Variants in DNAI4 observed in about 807,000 individuals in gnomAD.
The protein encoded by DNAI4 is dynein axonemal intermediate chain 4.
A neutral mutation model predicts 105.8 loss-of-function variants in DNAI4; 85 were observed. The observed-to-expected ratio is 0.80, with a 90% confidence interval of 0.67 to 0.96. The LOEUF (loss-of-function observed/expected upper bound fraction) is 0.96, where lower values mean the gene tolerates loss of function less well. Among genes scored for constraint, DNAI4 ranks in the 40% least tolerant of loss-of-function variants. DNAI4 has a pLI of 0.00. For synonymous variants in DNAI4, 352 were observed against 331.5 expected (o/e 1.06, Z -0.67); for missense variants, 1,014 against 1,005.6 (o/e 1.01, Z -0.11).
intron 7 of DNAI4, among the ~76,000 whole-genome samples, chr1:66,856,887 G>A (rs1351897024): frequency 1.3e-5 from 2 of 151,696 alleles, no homozygotes; most frequent in Non-Finnish European, 2.9e-5. Flanking sequence ...AAAGAAGAAA[G>A]ATCTAAAATC....
rs146024242 is a variant in DNAI4 at position 66,913,408 on chromosome 1, T to C, written c.171-8033A>G. ...TCTTAATTCGGTTTGTCTGTGTGCA[T>C]TTGGATGAGGAACTGAACTGTTGTT... On this transcript the variant is annotated intron_variant, in intron 1 of 16. Transcript: ENST00000371026. Among the ~76,000 whole-genome samples the C allele has an allele frequency of 2.4e-3, 358 of 152,312 alleles. 3 individuals carry two copies. Among genetic ancestry groups the C allele is most frequent in the African/African-American group, 8.3e-3 (346 of 41,572 alleles).
intron 13 of DNAI4, chr1:66,828,631 T>C (rs1408713068): frequency 1.3e-5 from 2 of 152,334 alleles, no homozygotes; most frequent in African/African-American, 4.8e-5. Context: ...TTCATTTGTA[T>C]AAGTTCTTTA....
intron 4 of DNAI4, among the ~76,000 whole-genome samples, chr1:66,875,160 A>C (rs1156692150): frequency 1.3e-5 from 2 of 152,168 alleles, no homozygotes; most frequent in South Asian, 2.1e-4. Flanking sequence ...AGCCTACCCC[A>C]GTCTAATACC....
chr1:66,871,908 C>T (rs1332686257), intron 5 of DNAI4, among the ~76,000 whole-genome samples: 1 of 152,168 alleles, frequency 6.6e-6, no homozygotes, highest in Admixed American at 6.5e-5. Context: ...CTTTATTGCA[C>T]TGTGGCCAGA....
In DNAI4 at chr1:66,905,381, T is replaced by C; in HGVS notation, c.171-6A>G. On this transcript the variant is annotated splice_polypyrimidine_tract_variant and splice_region_variant and intron_variant, in intron 1 of 16. Transcript: ENST00000371026. ...TTGGTTGTGTGGCATTGTTCCTATA[T>C]AAGAAAAATAAAATATAATGCAAAG... is the stretch of plus-strand genomic sequence containing the variant. The C allele has an allele frequency of 7.1e-7, 1 of 1,411,478 alleles. No homozygotes were observed. The highest frequency in any genetic ancestry group is 9.4e-7 in the Non-Finnish European group (1 of 1,067,494). The allele number at this position is 1,411,478 out of a possible 1,614,324, so 87.4% of individuals were successfully genotyped here.
At position 66,893,223 on chromosome 1, in the gene DNAI4, C is replaced by T. The variant is rs1412647819; in HGVS notation, c.530+6G>A. ...AAAAAAGGAACTATATAATAGTATA[C>T]TCTACCTTGTAAACTGCCCTAACGT... is the stretch of plus-strand genomic sequence containing the variant. On this transcript the variant is annotated splice_donor_region_variant and intron_variant, in intron 3 of 16. Coordinates refer to ENST00000371026, the MANE Select transcript of DNAI4 (RefSeq NM_024763.5). 3 of 1,522,076 alleles carry T rather than the reference C, an allele frequency of 2.0e-6. No homozygotes were observed. The South Asian group carries it at 3.9e-5, about 20-fold the overall frequency. 94.3% of individuals were successfully genotyped at this position (1,522,076 alleles called of 1,614,324 possible). A position where few individuals can be genotyped will look rare whatever the true frequency, so the allele number is the denominator to read the frequency against.
At chr1:66,895,545 T>C (rs1368752877) in intron 2 of DNAI4, among the ~76,000 whole-genome samples, 1 of 152,220 alleles carries the variant, frequency 6.6e-6, no homozygotes, top group African/African-American at 2.4e-5. Flanking sequence ...TCCACAAATA[T>C]TCAACGTTTT....
At chr1:66,919,282 T>C (rs142559053) in intron 1 of DNAI4, among the ~76,000 whole-genome samples, 452 of 152,320 alleles carry the variant, frequency 3.0e-3, no homozygotes, top group Middle Eastern at 0.017. Context: ...ATGTGAATAA[T>C]TGACTACTAG....
chr1:66,862,452 G>T, intron 6 of DNAI4, 150 bp from the exon 7 acceptor site: 1 of 771,710 alleles, frequency 1.3e-6, no homozygotes, highest in Non-Finnish European at 2.1e-6. Context: ...TCCACCTGAG[G>T]CAGGAGGATC....
intron 5 of DNAI4, 43 bp from the exon 6 acceptor site, chr1:66,871,552 C>G: frequency 6.7e-7 from 1 of 1,496,818 alleles, no homozygotes; most frequent in Non-Finnish European, 9.0e-7. Context: ...TAAGAATCAT[C>G]ACCACACGTA....
chr1:66,852,607 A>G (rs183257059), intron 7 of DNAI4, among the ~76,000 whole-genome samples: 2 of 152,146 alleles, frequency 1.3e-5, no homozygotes, highest in African/African-American at 4.8e-5. Flanking sequence ...TAGGCCAATG[A>G]AAAAAAATCA....
At chr1:66,895,848 A>G (rs1354561170) in intron 2 of DNAI4, among the ~76,000 whole-genome samples, 1 of 152,164 alleles carries the variant, frequency 6.6e-6, no homozygotes, top group Non-Finnish European at 1.5e-5. Context: ...AATTACACTA[A>G]GGGTTTTTAA....
chr1:66,814,506 C>A lies in DNAI4; in HGVS notation c.2497-326G>T, dbSNP rs376046425. On this transcript the variant is annotated intron_variant, in intron 16 of 16. Coordinates refer to ENST00000371026, the MANE Select transcript of DNAI4 (RefSeq NM_024763.5). ...GCCTCAGCCTCCTGAGTGGCTGGGA[C>A]TACAGGCACGTGCCACCACGCCCAG... Among the ~76,000 whole-genome samples, 74 of 152,090 alleles carry A rather than the reference C, an allele frequency of 4.9e-4. 2 individuals are homozygous for A. The South Asian group carries it at 0.015, about 31-fold the overall frequency.
chr1:66,889,448 C>G (rs1647407110), intron 4 of DNAI4, among the ~76,000 whole-genome samples: 1 of 151,846 alleles, frequency 6.6e-6, no homozygotes, highest in Non-Finnish European at 1.5e-5. Context: ...ACGGCCAATC[C>G]AAATTCTGAC....
rs945162592 is a variant in DNAI4, at chr1:66,916,339, A to G, written c.170+8323T>C. On this transcript the variant is annotated intron_variant, in intron 1 of 16. Coordinates refer to ENST00000371026, the MANE Select transcript of DNAI4 (RefSeq NM_024763.5). ...TAAATTAAGGTTATTACATCCATGT[A>G]TCTTTCTGTATCTACTCCTAAAGTA... Among the ~76,000 whole-genome samples the G allele has an allele frequency of 2.6e-5, 4 of 152,330 alleles. No homozygotes were observed. The South Asian group carries it at 8.3e-4, about 32-fold the overall frequency.
chr1:66,856,676 GA>G (rs1275575210), intron 7 of DNAI4, among the ~76,000 whole-genome samples: 1 of 151,786 alleles, frequency 6.6e-6, no homozygotes, highest in African/African-American at 2.4e-5. Flanking sequence ...TTAAATAAAA[GA>G]AAGATAGTTG....
At chr1:66,858,532 C>CAAA (rs3033717) in intron 7 of DNAI4, among the ~76,000 whole-genome samples, 3 of 63,594 alleles carry the variant, frequency 4.7e-5, no homozygotes, top group Non-Finnish European at 6.2e-5. Flanking sequence ...GACTCCGTCT[C>CAAA]AAAAAAAAAA....
chr1:66,910,518 C>T (rs1649577490), intron 1 of DNAI4, among the ~76,000 whole-genome samples: 2 of 152,182 alleles, frequency 1.3e-5, no homozygotes, highest in South Asian at 2.1e-4. Flanking sequence ...TACTTAGCAT[C>T]CTCACTTTCT....
At chr1:66,830,976 C>CAAA (rs71242799) in intron 13 of DNAI4, among the ~76,000 whole-genome samples, 33,937 of 81,552 alleles carry the variant, frequency 0.42, 6,962 homozygotes, top group South Asian at 0.53. Context: ...GACTCTGTCA[C>CAAA]AAAAAAAAAA....
Sources: allele counts gnomAD v4.1 joint callset (sites outside exome capture counted in the v4.1 genomes callset), GRCh38; gene constraint gnomAD v4.1.1; transcripts MANE v1.5; gene names NCBI Gene and HGNC (gene_info 2026-07-23, HGNC 2026-07-21).